SORCS2: variants seen among roughly 807,000 people sequenced by gnomAD.
The protein encoded by SORCS2 is VPS10 domain-containing receptor SorCS2.
SORCS2 carries 100 observed loss-of-function variants against 141.6 expected under a neutral mutation model. That is an observed-to-expected ratio of 0.71 (90% CI 0.60 to 0.83). The LOEUF is 0.83. Among genes scored for constraint, SORCS2 ranks in the 40% least tolerant of loss-of-function variants. The pLI is 0.00. For missense variants in SORCS2, 1,646 were observed against 1,560.2 expected (o/e 1.05, Z -0.93); for synonymous variants, 789 against 676.9 (o/e 1.17, Z -2.57).
intron 1 of SORCS2, among the ~76,000 whole-genome samples, chr4:7,207,380 G>C (rs577676667): frequency 6.6e-6 from 1 of 152,206 alleles, no homozygotes; most frequent in Non-Finnish European, 1.5e-5. Flanking sequence ...GTGAGTCACC[G>C]GGCTGCTCTC....
chr4:7,434,836 G>T (rs1257743424), intron 2 of SORCS2: 1 of 1,593,492 alleles, frequency 6.3e-7, no homozygotes, highest in South Asian at 1.1e-5. Context: ...GCTGGCCCTG[G>T]TGGCCCCCAG....
intron 13 of SORCS2, among the ~76,000 whole-genome samples, 152 bp downstream of exon 13, chr4:7,703,523 G>T (rs1461680423): frequency 1.3e-5 from 2 of 152,146 alleles, no homozygotes; most frequent in Non-Finnish European, 2.9e-5. Flanking sequence ...ACCGGGGCTG[G>T]GACACACCTC....
At chr4:7,302,809 T>TGTGTGTGTG (rs1553833478) in intron 1 of SORCS2, among the ~76,000 whole-genome samples, 1 of 81,346 alleles carries the variant, frequency 1.2e-5, no homozygotes, top group Non-Finnish European at 3.1e-5. Flanking sequence ...GTGTGTGTGT[T>TGTGTGTGTG]TGTAGGAGTG....
At chr4:7,229,166 G>A (rs188188161) in intron 1 of SORCS2, among the ~76,000 whole-genome samples, 3 of 152,234 alleles carry the variant, frequency 2.0e-5, no homozygotes, top group African/African-American at 4.8e-5. Flanking sequence ...TGCCGTGCTC[G>A]GAACCCACAG....
chr4:7,516,996 G>A (rs1006586360), intron 2 of SORCS2, among the ~76,000 whole-genome samples: 24 of 152,250 alleles, frequency 1.6e-4, no homozygotes, highest in African/African-American at 4.6e-4. Flanking sequence ...CTAGTCCTCC[G>A]GCTGGGTGTT....
intron 2 of SORCS2, among the ~76,000 whole-genome samples, chr4:7,426,387 C>T (rs1478464056): frequency 6.6e-6 from 1 of 151,292 alleles, no homozygotes; most frequent in Non-Finnish European, 1.5e-5. Flanking sequence ...CACACACTGC[C>T]CCGCTGAGGG....
intron 4 of SORCS2, among the ~76,000 whole-genome samples, chr4:7,650,365 C>A (rs572757818): frequency 6.6e-6 from 1 of 152,300 alleles, no homozygotes; most frequent in East Asian, 1.9e-4. Flanking sequence ...CGCGACAGAA[C>A]GTGCTGTGTG....
intron 1 of SORCS2, among the ~76,000 whole-genome samples, chr4:7,320,756 T>C (rs1414012786): frequency 6.6e-6 from 1 of 152,094 alleles, no homozygotes; most frequent in Non-Finnish European, 1.5e-5. Flanking sequence ...AAGGGTGAGA[T>C]GGAAAGCGTG....
At chr4:7,222,875 G>T (rs375210730) in intron 1 of SORCS2, among the ~76,000 whole-genome samples, 5 of 152,184 alleles carry the variant, frequency 3.3e-5, no homozygotes, top group African/African-American at 1.2e-4. Context: ...CTGCAGGGAG[G>T]CTGGAAACCA....
intron 3 of SORCS2, among the ~76,000 whole-genome samples, chr4:7,540,423 G>T (rs116328022): frequency 0.036 from 5,548 of 152,158 alleles, 343 homozygotes; most frequent in African/African-American, 0.13. Flanking sequence ...GTCCAGCGGG[G>T]GATGGCAGCA....
In SORCS2 at chr4:7,726,881, C is replaced by G. The variant is rs761957621; in HGVS notation, c.2847C>G (p.Asp949Glu). 3.1e-6 allele frequency: 5 copies of G among 1,613,700 alleles called. No homozygotes were observed. The highest frequency in any genetic ancestry group is 8.5e-7 in the Non-Finnish European group (1 of 1,179,728). The change falls in exon 21 of 27, where the codon GAC (aspartate) becomes GAG (glutamate). Residue 949 changes from aspartate (D) to glutamate (E), a missense_variant. By Grantham distance (45) the Asp-to-Glu change is conservative (BLOSUM62 2). Transcript: ENST00000507866. ...QAACGNSVLQ[D>E]SRVLRVLDQF... ...CCTGTGGGAACTCGGTGCTGCAGGA[C>G]TCCAGGGTCCTCCGTGTGCTGGGTA...
rs894954109 is a variant in SORCS2 at position 7,661,589 on chromosome 4, C to A, written c.952+25C>A. On this transcript the variant is annotated intron_variant, in intron 6 of 26. Transcript: ENST00000507866. Reference sequence around the variant, plus strand: ...GGTAAGCCGGGCAGTGCACAGGCACCGGGTATCCCTGAGTCACCTCGCACC... The same window carrying A: ...GGTAAGCCGGGCAGTGCACAGGCACAGGGTATCCCTGAGTCACCTCGCACC... 6 of 1,550,086 alleles carry A rather than the reference C, an allele frequency of 3.9e-6. No homozygotes were observed. In the East Asian group the frequency reaches 1.5e-4, roughly 38 times the overall value.
intron 4 of SORCS2, among the ~76,000 whole-genome samples, chr4:7,644,508 A>G (rs1720936933): frequency 6.6e-6 from 1 of 152,218 alleles, no homozygotes. Context: ...TGACCTGGAA[A>G]TCTAGCTGCA....
rs1455482417 is a variant in SORCS2 at position 7,664,173 on chromosome 4, C to T, written c.953-180C>T. 2.0e-5 allele frequency among the ~76,000 whole-genome samples: 3 copies of T among 152,104 alleles called. No individual in the cohort carries two copies. Among genetic ancestry groups the T allele is most frequent in the Non-Finnish European group, 4.4e-5 (3 of 68,018 alleles). On this transcript the variant is annotated intron_variant, in intron 6 of 26. Transcript: ENST00000507866. The surrounding 1 kb of genome is among the most constrained non-coding windows in gnomAD (Gnocchi z 4.7). ...GGAGCTCGTGTCAGAGTGCAGGTGG[C>T]CCACAGTGAGCGAGGATGACACCCT...
At chr4:7,295,780 G>A (rs916480096) in intron 1 of SORCS2, among the ~76,000 whole-genome samples, 2 of 152,214 alleles carry the variant, frequency 1.3e-5, no homozygotes, top group African/African-American at 2.4e-5. Flanking sequence ...CTCCTGGGAT[G>A]GAGCCTTGGT....
chr4:7,612,979 C>G (rs1273029172), intron 3 of SORCS2, among the ~76,000 whole-genome samples: 1 of 150,656 alleles, frequency 6.6e-6, no homozygotes, highest in African/African-American at 2.4e-5. Flanking sequence ...GGGACTGGCT[C>G]TCGGGCCAGT....
chr4:7,360,571 C>CTTT lies in SORCS2; in HGVS notation c.481-35694_481-35692dup, dbSNP rs753548897. ...TCCCTAAATACCCTCCCAGTCCCTT[C>CTTT]TTTTTTTTTTTTTTTTTTTTTTTTT... On this transcript the variant is annotated intron_variant, in intron 1 of 26. Coordinates refer to ENST00000507866, the MANE Select transcript of SORCS2 (RefSeq NM_020777.3). Among the ~76,000 whole-genome samples the CTTT allele has an allele frequency of 1.5e-3, 76 of 49,278 alleles. 17 individuals carry two copies. The highest frequency in any genetic ancestry group is 6.4e-3 in the African/African-American group (66 of 10,240). 32.3% of individuals were successfully genotyped at this position (49,278 alleles called of 152,430 possible). A position where few individuals can be genotyped will look rare whatever the true frequency, so the allele number is the denominator to read the frequency against.
At chr4:7,673,997 A>G (rs953276464) in intron 8 of SORCS2, among the ~76,000 whole-genome samples, 2 of 150,112 alleles carry the variant, frequency 1.3e-5, no homozygotes, top group African/African-American at 4.8e-5. Context: ...ATTTTGGCCC[A>G]TGGCGCTGAG....
intron 3 of SORCS2, among the ~76,000 whole-genome samples, chr4:7,607,258 A>T (rs1718117996): frequency 6.6e-6 from 1 of 152,196 alleles, no homozygotes; most frequent in African/African-American, 2.4e-5. Flanking sequence ...AAATAAAAAT[A>T]TGTGTTCAGC....
Sources: gnomAD v4.1 joint callset for allele counts (sites outside exome capture counted in the v4.1 genomes callset) on GRCh38, gnomAD v4.1.1 for gene constraint, Gnocchi (gnomAD v3.1) non-coding constraint, MANE v1.5 for transcripts, NCBI Gene and HGNC (gene_info 2026-07-23, HGNC 2026-07-21) for gene names.